Variants in SLC16A9 observed in about 807,000 individuals in gnomAD.
SLC16A9 encodes the protein monocarboxylate transporter 9.
A neutral mutation model predicts 44.3 loss-of-function variants in SLC16A9; 26 were observed. The ratio of observed to expected loss-of-function variants is 0.59; its 90% CI spans 0.43 to 0.81. The LOEUF is 0.81. Ranked by LOEUF, SLC16A9 falls within the 40% of genes least tolerant of loss-of-function variation. The pLI is 0.00. For synonymous variants in SLC16A9, 230 were observed against 225.1 expected, an observed-to-expected ratio of 1.02 and a Z score of -0.19; for missense variants, 559 against 595.8, an observed-to-expected ratio of 0.94 and a Z score of 0.64.
chr10:59,709,413 AG>A (rs1481216797), intron 1 of SLC16A9, 65 bp downstream of exon 1: 1 of 152,408 alleles, frequency 6.6e-6, no homozygotes, highest in Non-Finnish European at 1.5e-5. Context: ...TCTTGCCTCT[AG>A]GACGCTGGGC....
Position 59,654,615 on chromosome 10 carries a change from A to G in SLC16A9, c.437-26T>C, listed in dbSNP as rs760554253. The stretch of plus-strand genomic sequence containing the variant: ...CTAAAAAGGGAATGGGAACTGTTCA[A>G]CCTCGTAATCTGAGGCTCTCAGGAT... On this transcript the variant is annotated intron_variant, in intron 4 of 5. Coordinates refer to ENST00000395348, the MANE Select transcript of SLC16A9 (RefSeq NM_194298.3). The G allele has an allele frequency of 2.6e-6, 4 of 1,515,716 alleles. No individual in the cohort carries two copies. In the Admixed American group the frequency reaches 8.6e-5, roughly 33 times the overall value. 93.9% of individuals were successfully genotyped at this position (1,515,716 alleles called of 1,614,324 possible). A position where few individuals can be genotyped will look rare whatever the true frequency, so the allele number is the denominator to read the frequency against.
intron 1 of SLC16A9, among the ~76,000 whole-genome samples, chr10:59,685,977 C>CTTTTTTTTTTTTTTTTTTTT (rs11313249): frequency 7.1e-6 from 1 of 140,942 alleles, no homozygotes; most frequent in Non-Finnish European, 1.5e-5. Context: ...GCATTTCTTT[C>CTTTTTTTTTTTTTTTTTTTT]TTTTTTTTTT....
At chr10:59,684,428 T>C (rs1588984131) in intron 1 of SLC16A9, 101 bp from the exon 2 acceptor site, 3 of 524,048 alleles carry the variant, frequency 5.7e-6, no homozygotes, top group Non-Finnish European at 9.7e-6. Flanking sequence ...AAAAAAAAGG[T>C]TCTCCAAAGA....
chr10:59,700,256 T>A (rs573301411), intron 1 of SLC16A9, among the ~76,000 whole-genome samples: 1 of 152,182 alleles, frequency 6.6e-6, no homozygotes, highest in Non-Finnish European at 1.5e-5. Context: ...TACCACCCCC[T>A]TTCCAGATGT....
chr10:59,661,847 T>C (rs1839482386), intron 4 of SLC16A9, among the ~76,000 whole-genome samples: 1 of 151,726 alleles, frequency 6.6e-6, no homozygotes, highest in Non-Finnish European at 1.5e-5. Context: ...TACAACCATC[T>C]GATCTTTGAC....
At chr10:59,656,268 G>A (rs12781855) in intron 4 of SLC16A9, among the ~76,000 whole-genome samples, 41,339 of 152,024 alleles carry the variant, frequency 0.27, 6,897 homozygotes, top group Middle Eastern at 0.4. Context: ...CTCATGTACT[G>A]CATTAGTACC....
At position 59,667,183 on chromosome 10, in the gene SLC16A9, G is replaced by C. The variant is rs151044529; in HGVS notation, c.341-2861C>G. 2.2e-4 allele frequency among the ~76,000 whole-genome samples: 34 copies of C among 152,232 alleles called. 1 individual carries two copies. In the East Asian group the frequency reaches 6.4e-3, roughly 29 times the overall value. ...GAAAAGTATACTGATATGGTATCAG[G>C]TTCCTCATTGCAATTAATCCTTAGG... On this transcript the variant is annotated intron_variant, in intron 3 of 5. Coordinates refer to ENST00000395348, the MANE Select transcript of SLC16A9 (RefSeq NM_194298.3).
intron 1 of SLC16A9, among the ~76,000 whole-genome samples, chr10:59,697,483 T>C (rs1322169729): frequency 6.6e-6 from 1 of 151,878 alleles, no homozygotes; most frequent in Non-Finnish European, 1.5e-5. Context: ...CAGGGTTGAA[T>C]GGATTAAGGG....
At chr10:59,676,853 G>A (rs1449593636) in intron 2 of SLC16A9, among the ~76,000 whole-genome samples, 4 of 151,366 alleles carry the variant, frequency 2.6e-5, no homozygotes, top group African/African-American at 9.7e-5. Context: ...AACCGGGAAG[G>A]TGGAGGTTGC....
chr10:59,652,510 A>G lies in SLC16A9; in HGVS notation c.*262T>C, dbSNP rs1193055254. The G allele has an allele frequency of 3.5e-6, 1 of 286,498 alleles. No individual in the cohort carries two copies. Among genetic ancestry groups the G allele is most frequent in the East Asian group, 6.8e-5 (1 of 14,770 alleles). The allele number at this position is 286,498 out of a possible 1,614,324, so 17.7% of individuals were successfully genotyped here. Reference sequence around the variant, plus strand: ...GGCTGGTCAAACTTTTTACAATGTTAAGAACTAGTGAATAACAGCAAAACA... The same window carrying G: ...GGCTGGTCAAACTTTTTACAATGTTGAGAACTAGTGAATAACAGCAAAACA... On this transcript the variant is annotated 3_prime_UTR_variant, in exon 6 of 6. Coordinates refer to ENST00000395348, the MANE Select transcript of SLC16A9 (RefSeq NM_194298.3).
chr10:59,677,641 G>T (rs1225116975), intron 2 of SLC16A9, among the ~76,000 whole-genome samples: 1 of 152,138 alleles, frequency 6.6e-6, no homozygotes, highest in African/African-American at 2.4e-5. Context: ...CTTGTTTGGG[G>T]ATTTCATAAG....
At chr10:59,697,357 C>G (rs1322540728) in intron 1 of SLC16A9, among the ~76,000 whole-genome samples, 1 of 150,824 alleles carries the variant, frequency 6.6e-6, no homozygotes, top group South Asian at 2.1e-4. Context: ...AAGAGGTAGA[C>G]ATGGGAGACT....
At chr10:59,687,357 G>C (rs1035916414) in intron 1 of SLC16A9, among the ~76,000 whole-genome samples, 1 of 152,100 alleles carries the variant, frequency 6.6e-6, no homozygotes, top group African/African-American at 2.4e-5. Context: ...TTTCTTTTAC[G>C]AAGTTAAGAA....
intron 2 of SLC16A9, among the ~76,000 whole-genome samples, chr10:59,675,270 CT>C (rs1839834542): frequency 6.6e-6 from 1 of 152,144 alleles, no homozygotes; most frequent in Admixed American, 6.5e-5. Context: ...AATGACAGGT[CT>C]AAGGCCAAAG....
intron 4 of SLC16A9, among the ~76,000 whole-genome samples, chr10:59,663,844 T>C (rs1277337133): frequency 6.6e-6 from 1 of 152,052 alleles, no homozygotes; most frequent in Non-Finnish European, 1.5e-5. Context: ...TTTTTAGAAA[T>C]ATCATAAAGA....
At chr10:59,657,310 C>T (rs761740559) in intron 4 of SLC16A9, among the ~76,000 whole-genome samples, 1 of 152,338 alleles carries the variant, frequency 6.6e-6, no homozygotes, top group South Asian at 2.1e-4. Flanking sequence ...GGACCAACCC[C>T]TGTTCACTAC....
intron 2 of SLC16A9, among the ~76,000 whole-genome samples, chr10:59,675,831 A>G (rs1449429206): frequency 6.6e-6 from 1 of 152,254 alleles, no homozygotes; most frequent in Non-Finnish European, 1.5e-5. Context: ...AACCATGCCA[A>G]CTTGTAAAAC....
intron 1 of SLC16A9, among the ~76,000 whole-genome samples, chr10:59,689,417 T>G (rs975617623): frequency 1.3e-5 from 2 of 152,184 alleles, no homozygotes; most frequent in Non-Finnish European, 2.9e-5. Flanking sequence ...TGTGGGACTG[T>G]TAATTAAGTT....
At chr10:59,675,629 A>G (rs1166692140) in intron 2 of SLC16A9, among the ~76,000 whole-genome samples, 1 of 151,882 alleles carries the variant, frequency 6.6e-6, no homozygotes, top group Non-Finnish European at 1.5e-5. Context: ...TAAGAGGCAA[A>G]ATGGTGGATG....
Sources: gnomAD v4.1 joint callset for allele counts (sites outside exome capture counted in the v4.1 genomes callset) on GRCh38, gnomAD v4.1.1 for gene constraint, MANE v1.5 for transcripts, NCBI Gene and HGNC (gene_info 2026-07-23, HGNC 2026-07-21) for gene names.